Variants in RAP1GDS1 observed in about 807,000 individuals in gnomAD.
RAP1GDS1 encodes Rap1 GTPase-GDP dissociation stimulator 1.
Under a neutral mutation model 71.1 loss-of-function variants are expected in RAP1GDS1, and 35 were observed. The observed-to-expected ratio is 0.49, with a 90% CI of 0.38 to 0.65. RAP1GDS1 has a LOEUF of 0.65. Among genes scored for constraint, RAP1GDS1 ranks in the 30% least tolerant of loss-of-function variants. The pLI is 0.00. For missense variants in RAP1GDS1, 663 were observed against 706.1 expected, an observed-to-expected ratio of 0.94 and a Z score of 0.69; for synonymous variants, 229 against 243.1, an observed-to-expected ratio of 0.94 and a Z score of 0.54.
chr4:98,439,361 A>G (rs1751594267), intron 14 of RAP1GDS1, among the ~76,000 whole-genome samples: 1 of 152,196 alleles, frequency 6.6e-6, no homozygotes, highest in Non-Finnish European at 1.5e-5. Flanking sequence ...TGCGTTTAGT[A>G]TTCAGAAGTT....
chr4:98,318,573 A>T (rs143001435), intron 2 of RAP1GDS1, among the ~76,000 whole-genome samples: 2 of 152,362 alleles, frequency 1.3e-5, no homozygotes, highest in Non-Finnish European at 2.9e-5. Flanking sequence ...ATGAAGTGAG[A>T]TGAATAATGT....
At chr4:98,439,611 ATT>A (rs1280391875) in intron 14 of RAP1GDS1, among the ~76,000 whole-genome samples, 1 of 151,746 alleles carries the variant, frequency 6.6e-6, no homozygotes, top group Non-Finnish European at 1.5e-5. Context: ...CCCACAGATT[ATT>A]TTCTTTCTGT....
intron 5 of RAP1GDS1, among the ~76,000 whole-genome samples, chr4:98,388,745 A>G (rs1384064551): frequency 6.6e-6 from 1 of 152,094 alleles, no homozygotes; most frequent in Non-Finnish European, 1.5e-5. Flanking sequence ...TTTTTTTAAA[A>G]TTAGGTAGTC....
At chr4:98,437,137 T>C (rs1578887943) in intron 14 of RAP1GDS1, 69 bp downstream of exon 14, 2 of 1,375,846 alleles carry the variant, frequency 1.5e-6, no homozygotes, top group Non-Finnish European at 1.9e-6. Context: ...TATAGAGTAA[T>C]AGTAAATGAT....
intron 1 of RAP1GDS1, among the ~76,000 whole-genome samples, chr4:98,261,827 C>G (rs1457369852): frequency 6.6e-6 from 1 of 152,080 alleles, no homozygotes; most frequent in Non-Finnish European, 1.5e-5. Flanking sequence ...CTCGCAGCCT[C>G]GCCTCCCCTC....
intron 5 of RAP1GDS1, among the ~76,000 whole-genome samples, chr4:98,388,229 A>G (rs934166067): frequency 6.6e-6 from 1 of 152,190 alleles, no homozygotes; most frequent in Non-Finnish European, 1.5e-5. Flanking sequence ...CTTAGGCTTA[A>G]GTAGAGTTTC....
intron 13 of RAP1GDS1, 54 bp downstream of exon 13, chr4:98,434,116 G>A (rs576022776): frequency 6.3e-7 from 1 of 1,582,726 alleles, no homozygotes; most frequent in East Asian, 2.3e-5. Context: ...TGGATGAAAG[G>A]AAGTATAGAA....
At chr4:98,315,345 A>G (rs1342141625) in intron 2 of RAP1GDS1, among the ~76,000 whole-genome samples, 3 of 152,112 alleles carry the variant, frequency 2.0e-5, no homozygotes, top group East Asian at 1.9e-4. Context: ...GTAAAAATAC[A>G]CTTTCCTTGG....
chr4:98,421,142 A>C, intron 11 of RAP1GDS1, 113 bp from the exon 12 acceptor site: 1 of 1,195,698 alleles, frequency 8.4e-7, no homozygotes. Flanking sequence ...AGCTTTAATG[A>C]AATTGTCGTG....
At position 98,298,028 on chromosome 4, in the gene RAP1GDS1, C is replaced by T. The variant is rs188106867; in HGVS notation, c.112+4513C>T. 7.2e-5 allele frequency among the ~76,000 whole-genome samples: 11 copies of T among 152,254 alleles called. No homozygotes were observed. The East Asian group carries it at 7.7e-4, about 11-fold the overall frequency. On this transcript the variant is annotated intron_variant, in intron 2 of 14. Coordinates refer to ENST00000408927, the MANE Select transcript of RAP1GDS1 (RefSeq NM_001100427.2). ...ATTACTGATAGGAAGAAACTTTGAG[C>T]GCTCTGGTTAGAGGATCATACTAGC...
intron 10 of RAP1GDS1, 52 bp downstream of exon 10, chr4:98,418,843 G>A: frequency 6.7e-7 from 1 of 1,482,910 alleles, no homozygotes; most frequent in Non-Finnish European, 9.0e-7. Context: ...TCCATCATTT[G>A]GGGAAGCTAT....
chr4:98,348,574 G>T (rs1324170618), intron 3 of RAP1GDS1, among the ~76,000 whole-genome samples: 1 of 152,128 alleles, frequency 6.6e-6, no homozygotes, highest in Non-Finnish European at 1.5e-5. Flanking sequence ...CCAGTTTACA[G>T]TCCCACCAAC....
chr4:98,404,390 A>G, intron 6 of RAP1GDS1, 87 bp from the exon 7 acceptor site: 2 of 1,250,666 alleles, frequency 1.6e-6, no homozygotes, highest in African/African-American at 1.6e-5. Context: ...ATTTATCAGT[A>G]ATGGTACAAA....
At chr4:98,371,701 T>A (rs1740409399) in intron 4 of RAP1GDS1, among the ~76,000 whole-genome samples, 1 of 151,960 alleles carries the variant, frequency 6.6e-6, no homozygotes. Context: ...GGTCTCAAAC[T>A]CCCGCCTTGG....
chr4:98,363,916 G>C (rs938919550), intron 4 of RAP1GDS1, among the ~76,000 whole-genome samples: 1 of 152,160 alleles, frequency 6.6e-6, no homozygotes, highest in African/African-American at 2.4e-5. Context: ...GATTGGGAAA[G>C]TGCGAAAGGG....
At chr4:98,416,339 T>G (rs941286440) in intron 7 of RAP1GDS1, among the ~76,000 whole-genome samples, 2 of 115,822 alleles carry the variant, frequency 1.7e-5, no homozygotes, top group African/African-American at 3.4e-5. Context: ...TCTTAGTTTT[T>G]TTTTTTTTTT....
At position 98,308,297 on chromosome 4, in the gene RAP1GDS1, CTATATA is replaced by C. The variant is rs779815305; in HGVS notation, c.112+14812_112+14817del. On this transcript the variant is annotated intron_variant, in intron 2 of 14. Coordinates refer to ENST00000408927, the MANE Select transcript of RAP1GDS1 (RefSeq NM_001100427.2). ...ACACACATATATATACACACACACA[CTATATA>C]TATATATATATATATATATATATAT... 9.0e-3 allele frequency among the ~76,000 whole-genome samples: 658 copies of C among 73,192 alleles called. 12 individuals are homozygous for C. Among genetic ancestry groups the C allele is most frequent in the African/African-American group, 0.025 (495 of 20,026 alleles). The allele number at this position is 73,192 out of a possible 152,430, so 48.0% of individuals were successfully genotyped here.
intron 3 of RAP1GDS1, among the ~76,000 whole-genome samples, chr4:98,348,981 A>G (rs1736733885): frequency 6.6e-6 from 1 of 151,952 alleles, no homozygotes; most frequent in Non-Finnish European, 1.5e-5. Context: ...ATTAGATCCC[A>G]TTTGTCAATT....
intron 1 of RAP1GDS1, among the ~76,000 whole-genome samples, chr4:98,265,292 A>G (rs1053681563): frequency 3.3e-5 from 5 of 152,196 alleles, no homozygotes; most frequent in African/African-American, 1.2e-4. Context: ...GATAATGAGG[A>G]TACGAGAATC....
Sources: allele counts gnomAD v4.1 joint callset (sites outside exome capture counted in the v4.1 genomes callset), GRCh38; gene constraint gnomAD v4.1.1; transcripts MANE v1.5; gene names NCBI Gene and HGNC (gene_info 2026-07-23, HGNC 2026-07-21).